PDIA5: variants seen among roughly 807,000 people sequenced by gnomAD.
The protein encoded by PDIA5 is protein disulfide isomerase family A member 5.
In PDIA5, 58 loss-of-function variants were observed where a neutral mutation model predicts 77.6. The ratio of observed to expected loss-of-function variants is 0.75; its 90% confidence interval spans 0.61 to 0.93. The LOEUF is 0.93. PDIA5 is among the 40% of genes least tolerant of loss of function. The pLI is 0.00. For missense variants in PDIA5, 630 were observed against 647.7 expected (o/e 0.97, Z 0.30); for synonymous variants, 250 against 252.1 (o/e 0.99, Z 0.08).
chr3:123,069,947 A>G (rs1933681006), intron 1 of PDIA5, among the ~76,000 whole-genome samples: 2 of 151,936 alleles, frequency 1.3e-5, no homozygotes, highest in South Asian at 4.2e-4. Context: ...AAAATTAGCC[A>G]AGCATGGTAG....
intron 10 of PDIA5, among the ~76,000 whole-genome samples, chr3:123,125,864 A>G (rs763668035): frequency 6.6e-6 from 1 of 152,168 alleles, no homozygotes; most frequent in Non-Finnish European, 1.5e-5. Flanking sequence ...GCTGCCCATT[A>G]TCATGTGTTC....
chr3:123,067,197 G>C lies in PDIA5; in HGVS notation c.33G>C (p.Leu11=), dbSNP rs1344284348. The change falls in exon 1 of 17, where the codon CTG becomes CTC. Residue 11 remains leucine, a synonymous_variant. Coordinates refer to ENST00000316218, the MANE Select transcript of PDIA5 (RefSeq NM_006810.4). MARAGPAWLL[L]AIWVVLPSWL... ...GGGCCGGGCCGGCGTGGCTGCTGCT[G>C]GCAATCTGGGTGAGACTGTGGGGCA... is the stretch of plus-strand genomic sequence containing the variant. The C allele has an allele frequency of 1.6e-6, 2 of 1,247,972 alleles. No individual in the cohort carries two copies. 77.3% of individuals were successfully genotyped at this position (1,247,972 alleles called of 1,614,324 possible).
chr3:123,127,070 T>C (rs993068251), intron 10 of PDIA5, among the ~76,000 whole-genome samples: 3 of 152,194 alleles, frequency 2.0e-5, no homozygotes, highest in Admixed American at 1.3e-4. Context: ...CCTGTGTAGC[T>C]TTATGCCAAC....
chr3:123,092,418 G>A lies in PDIA5; in HGVS notation c.233G>A (p.Gly78Glu). ...STVAQAVKGQGTICWVDCGDA... is the reference protein window; with the variant it reads ...STVAQAVKGQETICWVDCGDA... ...GTGGCCCAGGCGGTGAAAGGACAAG[G>A]GACCATCTGCTGGGTGGACTGTGGG... Residue 78 changes from glycine to glutamate, a missense_variant, in exon 3 of 17, where the codon GGG becomes GAG. Gly to Glu is a moderately conservative substitution (Grantham distance 98). Transcript: ENST00000316218. 1 of 1,613,692 alleles carries A rather than the reference G, an allele frequency of 6.2e-7. No individual in the cohort carries two copies. The highest frequency in any genetic ancestry group is 8.5e-7 in the Non-Finnish European group (1 of 1,179,690).
In PDIA5 at chr3:123,141,899, C is replaced by A. The variant is rs763826736; in HGVS notation, c.911-3623C>A. 5.0e-4 allele frequency among the ~76,000 whole-genome samples: 76 copies of A among 152,298 alleles called. 1 individual carries two copies. The highest frequency in any genetic ancestry group is 1.4e-3 in the African/African-American group (58 of 41,558). ...TGTGCATCAGCTCTCCGTGTTCTTC[C>A]GCTTTGCCTCCCATTGGACAGTGAT... On this transcript the variant is annotated intron_variant, in intron 11 of 16. Transcript: ENST00000316218.
At chr3:123,081,829 A>G (rs1460346757) in intron 1 of PDIA5, among the ~76,000 whole-genome samples, 1 of 152,216 alleles carries the variant, frequency 6.6e-6, no homozygotes, top group Non-Finnish European at 1.5e-5. Flanking sequence ...GGAGCTTTTT[A>G]AAGCTGAGGT....
chr3:123,078,098 G>A (rs1264190998), intron 1 of PDIA5, among the ~76,000 whole-genome samples: 1 of 152,158 alleles, frequency 6.6e-6, no homozygotes, highest in Non-Finnish European at 1.5e-5. Context: ...ATGAGCCACC[G>A]TGCCCGGCCT....
intron 1 of PDIA5, among the ~76,000 whole-genome samples, chr3:123,081,632 G>A (rs1053096230): frequency 2.0e-5 from 3 of 152,170 alleles, no homozygotes; most frequent in Non-Finnish European, 4.4e-5. Flanking sequence ...AAGAGGTTGA[G>A]TCCCACCTTC....
chr3:123,086,278 C>T (rs1030128811), intron 1 of PDIA5, among the ~76,000 whole-genome samples: 10 of 152,206 alleles, frequency 6.6e-5, no homozygotes, highest in Non-Finnish European at 1.3e-4. Flanking sequence ...ATTTCATCCT[C>T]ATATCAATCC....
chr3:123,138,368 G>A (rs1391701598), intron 11 of PDIA5, among the ~76,000 whole-genome samples: 2 of 151,880 alleles, frequency 1.3e-5, no homozygotes, highest in East Asian at 3.9e-4. Flanking sequence ...GCTTTTTGTG[G>A]CCACATAATA....
At chr3:123,070,092 A>C (rs1323157712) in intron 1 of PDIA5, among the ~76,000 whole-genome samples, 2 of 150,782 alleles carry the variant, frequency 1.3e-5, no homozygotes, top group Non-Finnish European at 3.0e-5. Context: ...TCCATCTCAA[A>C]AAAAAAAAAA....
At chr3:123,159,366 G>A (rs1023444011) in intron 15 of PDIA5, among the ~76,000 whole-genome samples, 2 of 152,148 alleles carry the variant, frequency 1.3e-5, no homozygotes, top group Non-Finnish European at 2.9e-5. Flanking sequence ...AATAAAGTGC[G>A]TTAGAGGTGG....
At chr3:123,143,061 TA>T (rs367959265) in intron 11 of PDIA5, among the ~76,000 whole-genome samples, 1 of 150,636 alleles carries the variant, frequency 6.6e-6, no homozygotes, top group African/African-American at 2.4e-5. Flanking sequence ...AGGTACAAGG[TA>T]AAAAAAAACC....
At chr3:123,097,208 G>C (rs565462595) in intron 3 of PDIA5, among the ~76,000 whole-genome samples, 2 of 152,266 alleles carry the variant, frequency 1.3e-5, no homozygotes, top group Admixed American at 1.3e-4. Context: ...TACTTACCAG[G>C]GGGTAAAACA....
chr3:123,128,715 C>G (rs907269460), intron 10 of PDIA5, among the ~76,000 whole-genome samples: 1 of 152,090 alleles, frequency 6.6e-6, no homozygotes, highest in South Asian at 2.1e-4. Flanking sequence ...GAGTCTCACT[C>G]TGTTGCCCAG....
At chr3:123,090,568 A>G (rs1934258202) in intron 2 of PDIA5, among the ~76,000 whole-genome samples, 1 of 152,252 alleles carries the variant, frequency 6.6e-6, no homozygotes. Flanking sequence ...GAGATCTTCC[A>G]GCAGCAGGTG....
chr3:123,145,097 C>T, intron 11 of PDIA5: 1 of 161,626 alleles, frequency 6.2e-6, no homozygotes, highest in Non-Finnish European at 1.3e-5. Context: ...ACGCTGCCTG[C>T]AGCTAGGGCC....
intron 1 of PDIA5, among the ~76,000 whole-genome samples, chr3:123,085,013 C>A (rs1476604766): frequency 6.6e-6 from 1 of 152,188 alleles, no homozygotes; most frequent in Non-Finnish European, 1.5e-5. Context: ...TTGAAGAGCC[C>A]AGCCTGCCCC....
In PDIA5 at chr3:123,089,303, C is replaced by A; in HGVS notation, c.169+9C>A. On this transcript the variant is annotated intron_variant, in intron 2 of 16. Coordinates refer to ENST00000316218, the MANE Select transcript of PDIA5 (RefSeq NM_006810.4). ...GCTTTACTCCAAATCTGGTGAGTGT[C>A]CCTTCCTGGCCTTGAGGTCAACCAT... 1 of 1,613,552 alleles carries A rather than the reference C, an allele frequency of 6.2e-7. No individual in the cohort carries two copies. The highest frequency in any genetic ancestry group is 2.2e-5 in the East Asian group (1 of 44,890).
Sources: allele counts gnomAD v4.1 joint callset (sites outside exome capture counted in the v4.1 genomes callset), GRCh38; gene constraint gnomAD v4.1.1; transcripts MANE v1.5; gene names NCBI Gene and HGNC (gene_info 2026-07-23, HGNC 2026-07-21).